The following SLC1A6 variants were observed in gnomAD, a reference collection of about 807,000 sequenced individuals.
The protein encoded by SLC1A6 is excitatory amino acid transporter 4.
In SLC1A6, 15 loss-of-function variants were observed where a neutral mutation model predicts 42.1. The ratio of observed to expected loss-of-function variants is 0.36; its 90% CI spans 0.24 to 0.55. The LOEUF (loss-of-function observed/expected upper bound fraction) is 0.55, where lower values mean the gene tolerates loss of function less well. Among genes scored for constraint, SLC1A6 ranks in the 20% least tolerant of loss-of-function variants. The pLI is 0.88. For synonymous variants in SLC1A6, 317 were observed against 319.7 expected (o/e 0.99, Z 0.09); for missense variants, 542 against 772.5 (o/e 0.70, Z 3.54).
chr19:14,967,232 G>A (rs1024028359), intron 4 of SLC1A6, among the ~76,000 whole-genome samples: 29 of 152,130 alleles, frequency 1.9e-4, no homozygotes, highest in African/African-American at 6.8e-4. Context: ...TACCACAAGT[G>A]GATACTATGG....
At chr19:15,001,305 C>G (rs189757260) in intron 1 of SLC1A6, among the ~76,000 whole-genome samples, 1 of 152,042 alleles carries the variant, frequency 6.6e-6, no homozygotes, top group Non-Finnish European at 1.5e-5. Flanking sequence ...GCGTATAGCC[C>G]GGTGGTGTGA....
At position 14,968,317 on chromosome 19, in the gene SLC1A6, G is replaced by C; in HGVS notation, c.534C>G (p.Phe178Leu). Residue 178 changes from phenylalanine (F) to leucine (L), a missense_variant, in exon 4 of 10, where the codon TTC (phenylalanine) becomes TTG (leucine). Physicochemically the swap from Phe to Leu is conservative, Grantham distance 22. Transcript: ENST00000594383. ...GGTTGGCACACCTGATCAGGTCCAT[G>C]AAGGCATCAGCTGTGGGGATGGTCT... ...RIETIPTADAFMDLIRNMFPP... is the reference protein window; with the variant it reads ...RIETIPTADALMDLIRNMFPP... 6.2e-7 allele frequency: 1 copy of C among 1,613,104 alleles called. No homozygotes were observed. The highest frequency in any genetic ancestry group is 8.5e-7 in the Non-Finnish European group (1 of 1,179,502).
chr19:14,984,590 A>T (rs536992565), upstream of SLC1A6, among the ~76,000 whole-genome samples: 4 of 152,356 alleles, frequency 2.6e-5, no homozygotes, highest in African/African-American at 7.2e-5. Flanking sequence ...AACAGTTGCA[A>T]TGCAGAATTG....
At chr19:14,965,642 G>A (rs1188493952) in intron 4 of SLC1A6, among the ~76,000 whole-genome samples, 1 of 152,108 alleles carries the variant, frequency 6.6e-6, no homozygotes, top group Non-Finnish European at 1.5e-5. Context: ...TCGAGGCCAG[G>A]AGTTTGAGAC....
At chr19:14,965,849 CAAAAA>C (rs36065519) in intron 4 of SLC1A6, among the ~76,000 whole-genome samples, 76 of 129,012 alleles carry the variant, frequency 5.9e-4, no homozygotes, top group African/African-American at 2.1e-3. Context: ...GACTCTGTTT[CAAAAA>C]AAAAAAAAAA....
At chr19:15,002,770 T>C (rs2045877819) in intron 1 of SLC1A6, among the ~76,000 whole-genome samples, 1 of 152,090 alleles carries the variant, frequency 6.6e-6, no homozygotes, top group Non-Finnish European at 1.5e-5. Context: ...GGGAGGGGAT[T>C]CAAGTCACAG....
At chr19:15,010,367 C>CA (rs370598581) in intron 1 of SLC1A6, 4 of 364,458 alleles carry the variant, frequency 1.1e-5, no homozygotes, top group Non-Finnish European at 2.2e-5. Flanking sequence ...CAGCAAGTCC[C>CA]AAGCTTCCAA....
At chr19:14,966,229 C>T (rs536437097) in intron 4 of SLC1A6, among the ~76,000 whole-genome samples, 32 of 152,280 alleles carry the variant, frequency 2.1e-4, no homozygotes, top group African/African-American at 6.7e-4. Context: ...CAGTGGCTCA[C>T]GTCTGTAATC....
chr19:14,965,385 T>C (rs2045562545), intron 4 of SLC1A6, among the ~76,000 whole-genome samples: 2 of 152,132 alleles, frequency 1.3e-5, no homozygotes. Context: ...ACTGGGTATC[T>C]ACTCAAAGGA....
upstream of SLC1A6, chr19:14,980,035 C>G (rs1339034561): frequency 6.6e-6 from 1 of 152,354 alleles, no homozygotes; most frequent in African/African-American, 2.4e-5. Flanking sequence ...GCTCCAGCAG[C>G]CTCGGCGGAG....
intron 1 of SLC1A6, among the ~76,000 whole-genome samples, chr19:15,004,395 C>A (rs1036685175): frequency 6.6e-6 from 1 of 151,962 alleles, no homozygotes; most frequent in Non-Finnish European, 1.5e-5. Context: ...GAATAAGTAT[C>A]TCTGGATAGT....
chr19:14,996,847 T>G (rs2045849912), intron 1 of SLC1A6, among the ~76,000 whole-genome samples: 1 of 152,004 alleles, frequency 6.6e-6, no homozygotes, highest in Non-Finnish European at 1.5e-5. Flanking sequence ...CTCTCCATCC[T>G]TCTCCAGGAG....
At chr19:14,960,226 GTGAA>G (rs1465849690) in intron 6 of SLC1A6, among the ~76,000 whole-genome samples, 1 of 152,208 alleles carries the variant, frequency 6.6e-6, no homozygotes, top group Non-Finnish European at 1.5e-5. Context: ...GAACAAATGA[GTGAA>G]TGAAGAGAAT....
chr19:14,975,576 G>A (rs2045695386), intron 1 of SLC1A6, among the ~76,000 whole-genome samples: 1 of 151,868 alleles, frequency 6.6e-6, no homozygotes, highest in African/African-American at 2.4e-5. Context: ...CCAACATGGC[G>A]AAACCCCATC....
intron 3 of SLC1A6, among the ~76,000 whole-genome samples, chr19:14,970,807 G>C (rs549344216): frequency 6.6e-6 from 1 of 151,716 alleles, no homozygotes; most frequent in South Asian, 2.1e-4. Flanking sequence ...TCAATAGTAG[G>C]CTATTAGTAG....
Position 14,971,866 on chromosome 19 carries a change from G to T in SLC1A6, c.214C>A (p.Leu72Met). 5.6e-6 allele frequency: 9 copies of T among 1,614,146 alleles called. No individual in the cohort carries two copies. Among genetic ancestry groups the T allele is most frequent in the Non-Finnish European group, 6.8e-6 (8 of 1,180,012 alleles). Residue 72 changes from leucine to methionine, a missense_variant, in exon 3 of 10, where the codon CTG (leucine) becomes ATG (methionine). Physicochemically the swap from Leu to Met is conservative, Grantham distance 15. Transcript: ENST00000594383. ...TVSAVVIGVS[L>M]AFALRPYQLT... The stretch of plus-strand genomic sequence containing the variant: ...TGATATGGGCGCAGGGCAAAGGCCA[G>T]GCTGACCCCTAGGGCCAAAAGAAGG...
intron 1 of SLC1A6, among the ~76,000 whole-genome samples, chr19:14,986,666 C>T (rs1473171004): frequency 6.6e-6 from 1 of 150,842 alleles, no homozygotes; most frequent in African/African-American, 2.4e-5. Flanking sequence ...TCATAGCTCA[C>T]TGTAGCCTTG....
chr19:14,976,865 T>G (rs1244986155), intron 1 of SLC1A6: 1 of 152,146 alleles, frequency 6.6e-6, no homozygotes, highest in Non-Finnish European at 1.5e-5. Context: ...TTCTGGGATC[T>G]TCCTTGCCCT....
rs761789880 is a variant in SLC1A6 at position 15,010,205 on chromosome 19, AG to A, written c.6+279del. On this transcript the variant is annotated intron_variant, in intron 1 of 8. Coordinates refer to the SLC1A6 transcript ENST00000430939. The stretch of plus-strand genomic sequence containing the variant: ...TATGAAAAAAAAAAAAAAGAAAGAA[AG>A]AAAAAAGAAAGAGAGAGAGAGAAAA... Among the ~76,000 whole-genome samples the A allele has an allele frequency of 5.0e-4, 42 of 83,506 alleles. No individual in the cohort carries two copies. The East Asian group carries it at 7.1e-3, about 14-fold the overall frequency. The allele number at this position is 83,506 out of a possible 152,430, so 54.8% of individuals were successfully genotyped here. A position where few individuals can be genotyped will look rare whatever the true frequency, so the allele number is the denominator to read the frequency against.
Sources: allele counts gnomAD v4.1 joint callset (sites outside exome capture counted in the v4.1 genomes callset), GRCh38; gene constraint gnomAD v4.1.1; transcripts MANE v1.5; gene names NCBI Gene and HGNC (gene_info 2026-07-23, HGNC 2026-07-21).